SSBP3: variants seen among roughly 807,000 people sequenced by gnomAD.
The protein encoded by SSBP3 is single stranded DNA binding protein 3, also known as single-stranded DNA-binding protein 3.
In SSBP3, 5 loss-of-function variants were observed where a neutral mutation model predicts 69.6. That is an observed-to-expected ratio of 0.07 (90% CI 0.04 to 0.15). The LOEUF (loss-of-function observed/expected upper bound fraction) is 0.15. SSBP3 is among the 10% of genes least tolerant of loss of function. The pLI, the probability that SSBP3 is intolerant of heterozygous loss-of-function variation, is 1.00. For missense variants in SSBP3, 312 were observed against 534.0 expected, an observed-to-expected ratio of 0.58 and a Z score of 4.10; for synonymous variants, 196 against 193.4, an observed-to-expected ratio of 1.01 and a Z score of -0.11.
intron 9 of SSBP3, among the ~76,000 whole-genome samples, chr1:54,248,896 T>C (rs76878446): frequency 0.01 from 1,579 of 152,294 alleles, 23 homozygotes; most frequent in African/African-American, 0.036. Context: ...GCAGGAGATA[T>C]GCTTCCAGAG....
chr1:54,331,536 C>T (rs1646410641), intron 4 of SSBP3, among the ~76,000 whole-genome samples: 1 of 152,230 alleles, frequency 6.6e-6, no homozygotes, highest in African/African-American at 2.4e-5. Flanking sequence ...CACACCACAC[C>T]TGTGATCTAC....
chr1:54,261,078 C>T (rs1025174388), intron 5 of SSBP3, among the ~76,000 whole-genome samples: 1 of 152,230 alleles, frequency 6.6e-6, no homozygotes, highest in African/African-American at 2.4e-5. Flanking sequence ...GTCTCTGCTA[C>T]CTCCACTCAG....
At chr1:54,320,077 G>A (rs190752123) in intron 4 of SSBP3, among the ~76,000 whole-genome samples, 8 of 152,298 alleles carry the variant, frequency 5.3e-5, no homozygotes, top group Non-Finnish European at 1.2e-4. Flanking sequence ...GGAGAGGGAG[G>A]TGAATCTTCA....
chr1:54,370,069 T>C (rs1250155068), intron 4 of SSBP3, among the ~76,000 whole-genome samples: 2 of 152,138 alleles, frequency 1.3e-5, no homozygotes, highest in African/African-American at 4.8e-5. Context: ...AATTAGCTTG[T>C]CCCAACCCTC....
chr1:54,356,234 G>A (rs1646861419), intron 4 of SSBP3, among the ~76,000 whole-genome samples: 1 of 152,112 alleles, frequency 6.6e-6, no homozygotes, highest in South Asian at 2.1e-4. Context: ...CCTGCTCTAG[G>A]TGCGTTTTTA....
exon 3 of SSBP3, chr1:54,404,632 T>C (rs1065477): frequency 4.3e-6 from 7 of 1,613,396 alleles, no homozygotes; most frequent in Admixed American, 3.3e-5. Flanking sequence ...TTTTTTCCCA[T>C]CGAATCTGGA....
At chr1:54,413,095 A>G (rs1570093994) in intron 1 of SSBP3, 1 of 152,198 alleles carries the variant, frequency 6.6e-6, no homozygotes, top group Non-Finnish European at 1.5e-5. Context: ...ATGGTGCAGA[A>G]TGGCGCAGCA....
At chr1:54,294,193 A>C (rs1044020431) in intron 4 of SSBP3, among the ~76,000 whole-genome samples, 8 of 150,562 alleles carry the variant, frequency 5.3e-5, no homozygotes, top group African/African-American at 2.0e-4. Context: ...GAAAGAAAGA[A>C]AAGAAAAAAG....
chr1:54,334,783 G>A (rs1482071440), intron 4 of SSBP3, among the ~76,000 whole-genome samples: 2 of 152,200 alleles, frequency 1.3e-5, no homozygotes, highest in Non-Finnish European at 2.9e-5. Flanking sequence ...TTTCAGTGAT[G>A]GCCAACTGCT....
chr1:54,337,485 C>T lies in SSBP3; in HGVS notation c.277-55958G>A, dbSNP rs1234700428. Among the ~76,000 whole-genome samples the T allele has an allele frequency of 3.3e-3, 167 of 51,152 alleles. 3 individuals are homozygous for T. Among genetic ancestry groups the T allele is most frequent in the Admixed American group, 5.4e-3 (17 of 3,138 alleles). 33.6% of individuals were successfully genotyped at this position (51,152 alleles called of 152,430 possible). On this transcript the variant is annotated intron_variant, in intron 4 of 17. Transcript: ENST00000610401. ...ACCAAAGCATTTTGTTTTCCTCAAG[C>T]TTTTTTTTTTTTTTTTTTTTTTTTT...
At chr1:54,247,338 T>C (rs1570250284) in intron 9 of SSBP3, among the ~76,000 whole-genome samples, 1 of 152,302 alleles carries the variant, frequency 6.6e-6, no homozygotes, top group East Asian at 1.9e-4. Flanking sequence ...TCCTAGTCTT[T>C]AGGACTCACC....
intron 4 of SSBP3, among the ~76,000 whole-genome samples, chr1:54,287,870 T>C (rs1288075923): frequency 6.6e-6 from 1 of 152,128 alleles, no homozygotes; most frequent in Non-Finnish European, 1.5e-5. Flanking sequence ...GGGGCTCTAA[T>C]TGTGCAGTTT....
chr1:54,274,583 G>A (rs1305913134), intron 5 of SSBP3, among the ~76,000 whole-genome samples: 1 of 152,096 alleles, frequency 6.6e-6, no homozygotes, highest in East Asian at 2.0e-4. Context: ...CCTCCTTTAG[G>A]CTCCAACATC....
chr1:54,315,592 T>A (rs1009161948), intron 4 of SSBP3, among the ~76,000 whole-genome samples: 48 of 151,542 alleles, frequency 3.2e-4, no homozygotes, highest in Non-Finnish European at 6.6e-4. Flanking sequence ...GACAACTTTT[T>A]TTTAATTTAA....
chr1:54,267,241 G>A (rs773708521), intron 5 of SSBP3, among the ~76,000 whole-genome samples: 7 of 152,202 alleles, frequency 4.6e-5, no homozygotes, highest in Non-Finnish European at 5.9e-5. Context: ...GAGATTCTCC[G>A]TGTATTCCAC....
intron 14 of SSBP3, among the ~76,000 whole-genome samples, chr1:54,234,577 C>T (rs988528457): frequency 5.3e-5 from 8 of 151,556 alleles, no homozygotes; most frequent in African/African-American, 1.5e-4. Context: ...TGACAGACAC[C>T]CTATCTCTAA....
chr1:54,230,796 C>T (rs1644367877), intron 14 of SSBP3, among the ~76,000 whole-genome samples: 1 of 152,314 alleles, frequency 6.6e-6, no homozygotes, highest in Non-Finnish European at 1.5e-5. Context: ...GTTTCTTTCA[C>T]TTAGCATGTT....
At chr1:54,238,956 C>T (rs2274664) in intron 14 of SSBP3, 173 bp downstream of exon 14, 242,883 of 414,072 alleles carry the variant, frequency 0.59, 79,002 homozygotes, top group African/African-American at 0.8. Context: ...CCCTGCCGCC[C>T]ATGAAATGGG....
chr1:54,280,394 C>A (rs1189483390), intron 5 of SSBP3, among the ~76,000 whole-genome samples: 1 of 152,200 alleles, frequency 6.6e-6, no homozygotes, highest in Non-Finnish European at 1.5e-5. Context: ...CTGGCCTATA[C>A]CAAGCAAAAG....
Sources: allele counts gnomAD v4.1 joint callset (sites outside exome capture counted in the v4.1 genomes callset), GRCh38; gene constraint gnomAD v4.1.1; transcripts MANE v1.5; gene names NCBI Gene and HGNC (gene_info 2026-07-23, HGNC 2026-07-21).